BACH2: variants seen among roughly 807,000 people sequenced by gnomAD.
The protein encoded by BACH2 is BACH transcriptional regulator 2.
In BACH2, 5 loss-of-function variants were observed where a neutral mutation model predicts 61.8. The observed-to-expected ratio is 0.08, with a 90% confidence interval of 0.04 to 0.17. The LOEUF (loss-of-function observed/expected upper bound fraction) is 0.17. Among genes scored for constraint, BACH2 ranks in the 10% least tolerant of loss-of-function variants. BACH2 has a pLI of 1.00. For synonymous variants in BACH2, 446 were observed against 440.1 expected (o/e 1.01, Z -0.17); for missense variants, 824 against 1,091.1 (o/e 0.76, Z 3.45).
intron 6 of BACH2, among the ~76,000 whole-genome samples, chr6:90,004,376 G>T (rs1042081848): frequency 1.3e-5 from 2 of 152,088 alleles, no homozygotes; most frequent in African/African-American, 4.8e-5. Context: ...GAAAACATAA[G>T]GTCTACCTGC....
At chr6:90,133,516 TTTTTA>T (rs1267470948) in intron 4 of BACH2, among the ~76,000 whole-genome samples, 9 of 152,194 alleles carry the variant, frequency 5.9e-5, no homozygotes, top group African/African-American at 1.2e-4. Flanking sequence ...AAGCATTTTC[TTTTTA>T]TTTTATTTTA....
intron 8 of BACH2, among the ~76,000 whole-genome samples, 182 bp downstream of exon 8, chr6:89,937,962 A>AACACACAC (rs879157481): frequency 1.5e-5 from 2 of 134,192 alleles, no homozygotes; most frequent in Non-Finnish European, 3.5e-5. Flanking sequence ...CAGACACACA[A>AACACACAC]ACACACACAC....
At chr6:90,215,076 C>T (rs1466424601) in intron 3 of BACH2, among the ~76,000 whole-genome samples, 1 of 152,122 alleles carries the variant, frequency 6.6e-6, no homozygotes, top group Non-Finnish European at 1.5e-5. Flanking sequence ...TTATTATCAG[C>T]ATCTCCTTAG....
intron 6 of BACH2, among the ~76,000 whole-genome samples, chr6:90,007,115 C>T (rs1777450164): frequency 6.6e-6 from 1 of 152,030 alleles, no homozygotes; most frequent in Non-Finnish European, 1.5e-5. Context: ...CGCCCTGTCA[C>T]CCAGGCTGGA....
chr6:90,014,215 G>T (rs1323054924), intron 5 of BACH2, among the ~76,000 whole-genome samples: 1 of 150,634 alleles, frequency 6.6e-6, no homozygotes, highest in African/African-American at 2.4e-5. Context: ...TTTAGCATCA[G>T]GGTAATGATG....
intron 3 of BACH2, among the ~76,000 whole-genome samples, chr6:90,216,193 G>A (rs1769530102): frequency 6.6e-6 from 1 of 152,192 alleles, no homozygotes; most frequent in Non-Finnish European, 1.5e-5. Flanking sequence ...TACAGCAGTT[G>A]ACACTAGTCC....
At chr6:90,072,901 C>T (rs541398231) in intron 5 of BACH2, among the ~76,000 whole-genome samples, 5 of 152,216 alleles carry the variant, frequency 3.3e-5, no homozygotes, top group Middle Eastern at 3.4e-3. Context: ...AAAACCAACC[C>T]GCTACTGAAA....
intron 4 of BACH2, among the ~76,000 whole-genome samples, chr6:90,131,739 A>T (rs1483596166): frequency 6.6e-6 from 1 of 152,258 alleles, no homozygotes; most frequent in Non-Finnish European, 1.5e-5. Flanking sequence ...TGGAAAATAC[A>T]GCATTTCAAT....
intron 5 of BACH2, among the ~76,000 whole-genome samples, chr6:90,047,368 G>T (rs1392491746): frequency 2.0e-5 from 3 of 152,154 alleles, no homozygotes; most frequent in Non-Finnish European, 4.4e-5. Flanking sequence ...AGAATCCAAT[G>T]TCAGCTAGAG....
intron 3 of BACH2, among the ~76,000 whole-genome samples, chr6:90,244,876 A>C (rs1770581816): frequency 6.6e-6 from 1 of 152,196 alleles, no homozygotes; most frequent in African/African-American, 2.4e-5. Flanking sequence ...AGGATTAACA[A>C]TACCTAATAT....
chr6:90,283,411 T>C (rs1279682469), intron 1 of BACH2, among the ~76,000 whole-genome samples: 1 of 151,896 alleles, frequency 6.6e-6, no homozygotes, highest in East Asian at 2.0e-4. Flanking sequence ...AGTTTCGCTC[T>C]GTTGCCCAGG....
At chr6:90,155,843 C>T (rs1427516635) in intron 4 of BACH2, among the ~76,000 whole-genome samples, 1 of 152,142 alleles carries the variant, frequency 6.6e-6, no homozygotes, top group African/African-American at 2.4e-5. Context: ...ACAGACACAT[C>T]CCATGCATTG....
chr6:90,118,634 A>G (rs1783498805), intron 4 of BACH2, among the ~76,000 whole-genome samples: 1 of 152,240 alleles, frequency 6.6e-6, no homozygotes, highest in Admixed American at 6.5e-5. Flanking sequence ...TTCAAGAGAC[A>G]TGCATTTGAT....
At chr6:90,199,698 A>G (rs1356220410) in intron 4 of BACH2, among the ~76,000 whole-genome samples, 5 of 152,238 alleles carry the variant, frequency 3.3e-5, no homozygotes, top group African/African-American at 1.2e-4. Context: ...CACATTCGAC[A>G]GGACTCAATG....
chr6:90,110,765 T>C (rs905528508), intron 4 of BACH2, among the ~76,000 whole-genome samples: 9 of 152,246 alleles, frequency 5.9e-5, no homozygotes, highest in African/African-American at 2.2e-4. Context: ...TTAAGTCATA[T>C]TGGCATTCCA....
chr6:89,960,361 C>T (rs188610606), intron 6 of BACH2, among the ~76,000 whole-genome samples: 27 of 152,318 alleles, frequency 1.8e-4, no homozygotes, highest in African/African-American at 4.1e-4. Flanking sequence ...TCATGTCTTC[C>T]GACCGCAGAG....
chr6:90,227,726 T>C (rs1769962203), intron 3 of BACH2, among the ~76,000 whole-genome samples: 3 of 151,902 alleles, frequency 2.0e-5, no homozygotes, highest in South Asian at 4.1e-4. Flanking sequence ...ATCTGAAATA[T>C]CAACAAAATT....
chr6:90,057,759 C>A (rs1414560206), intron 5 of BACH2, among the ~76,000 whole-genome samples: 1 of 152,182 alleles, frequency 6.6e-6, no homozygotes, highest in Non-Finnish European at 1.5e-5. Context: ...AGCAGCACAT[C>A]AAAAAGCTTA....
At chr6:90,215,603 A>C (rs1315287809) in intron 3 of BACH2, among the ~76,000 whole-genome samples, 1 of 152,158 alleles carries the variant, frequency 6.6e-6, no homozygotes, top group Non-Finnish European at 1.5e-5. Flanking sequence ...GGGTGGTCAG[A>C]AGTAGGCCAG....
Sources: gnomAD v4.1 joint callset for allele counts (sites outside exome capture counted in the v4.1 genomes callset) on GRCh38, gnomAD v4.1.1 for gene constraint, MANE v1.5 for transcripts, NCBI Gene and HGNC (gene_info 2026-07-23, HGNC 2026-07-21) for gene names.